ST13: variants seen among roughly 807,000 people sequenced by gnomAD.
ST13 encodes ST13 Hsp70 interacting protein.
A neutral mutation model predicts 56.7 loss-of-function variants in ST13; 23 were observed. The ratio of observed to expected loss-of-function variants is 0.41; its 90% CI spans 0.29 to 0.57. ST13 has a LOEUF of 0.57. Among genes scored for constraint, ST13 ranks in the 20% least tolerant of loss-of-function variants. The pLI is 0.36. For synonymous variants in ST13, 132 were observed against 142.4 expected, an observed-to-expected ratio of 0.93 and a Z score of 0.52; for missense variants, 369 against 459.9, an observed-to-expected ratio of 0.80 and a Z score of 1.81.
At chr22:40,844,250 GATA>G (rs2057819775) in intron 4 of ST13, among the ~76,000 whole-genome samples, 1 of 152,242 alleles carries the variant, frequency 6.6e-6, no homozygotes, top group East Asian at 1.9e-4. Flanking sequence ...GATGAAATCT[GATA>G]ATATCAAGTT....
At chr22:40,835,753 A>C (rs746180406) in intron 6 of ST13, 50 bp downstream of exon 6, 1 of 1,599,618 alleles carries the variant, frequency 6.3e-7, no homozygotes, top group Admixed American at 1.7e-5. Flanking sequence ...ATTTAAACAA[A>C]TGTGCAGAAA....
intron 5 of ST13, among the ~76,000 whole-genome samples, chr22:40,839,486 C>T (rs996033810): frequency 2.1e-4 from 32 of 152,034 alleles, no homozygotes; most frequent in African/African-American, 7.2e-4. Context: ...TACCATGGGC[C>T]GGGCGCAGTG....
intron 10 of ST13, among the ~76,000 whole-genome samples, chr22:40,827,710 G>A (rs768279967): frequency 1.2e-4 from 18 of 151,100 alleles, no homozygotes; most frequent in South Asian, 2.1e-4. Context: ...CAAGTTGGCC[G>A]GGCCGCTCTT....
chr22:40,849,479 C>CAAAAAAA, intron 2 of ST13, among the ~76,000 whole-genome samples: 1 of 55,104 alleles, frequency 1.8e-5, no homozygotes, highest in East Asian at 4.2e-4. Context: ...GACTCTGTCT[C>CAAAAAAA]AAAAAAAAAA....
chr22:40,853,509 C>G (rs968137857), intron 1 of ST13, among the ~76,000 whole-genome samples: 2 of 152,190 alleles, frequency 1.3e-5, no homozygotes, highest in Non-Finnish European at 2.9e-5. Context: ...TGGCCAAAAA[C>G]TGCCACTTAG....
intron 8 of ST13, 141 bp downstream of exon 8, chr22:40,832,428 A>C: frequency 6.2e-6 from 4 of 648,910 alleles, no homozygotes; most frequent in South Asian, 5.5e-5. Flanking sequence ...AGTCGAGCAC[A>C]AACTTCAGCA....
intron 5 of ST13, among the ~76,000 whole-genome samples, chr22:40,836,836 T>C (rs530079329): frequency 9.2e-5 from 14 of 151,960 alleles, no homozygotes; most frequent in African/African-American, 2.9e-4. Flanking sequence ...GCAAGACAAA[T>C]ACAGAATTTT....
At chr22:40,829,424 A>G (rs943941783) in intron 10 of ST13, among the ~76,000 whole-genome samples, 7 of 152,236 alleles carry the variant, frequency 4.6e-5, no homozygotes, top group African/African-American at 1.7e-4. Flanking sequence ...CATTTGAAAG[A>G]AAAATACGCT....
intron 10 of ST13, among the ~76,000 whole-genome samples, chr22:40,828,499 G>A (rs1368754459): frequency 1.3e-5 from 2 of 151,890 alleles, no homozygotes; most frequent in East Asian, 3.9e-4. Context: ...TGTAGTCCCA[G>A]CTACTCGGGA....
chr22:40,850,919 T>C (rs2057858144), intron 1 of ST13, 39 bp from the exon 2 acceptor site: 1 of 1,506,288 alleles, frequency 6.6e-7, no homozygotes, highest in South Asian at 1.2e-5. Flanking sequence ...GTTTAGAAAA[T>C]TAAAATTCAC....
rs763901113 is a variant in ST13 at position 40,826,686 on chromosome 22, T to C, written c.982-20A>G. 2 of 1,608,468 alleles carry C rather than the reference T, an allele frequency of 1.2e-6. No homozygotes were observed. Among genetic ancestry groups the C allele is most frequent in the East Asian group, 4.5e-5 (2 of 44,860 alleles). ...TGGATCCTGAAAAGAAAGGGTTCAT[T>C]AGTATTTAAAAAGTGTCCTACTGGG... On this transcript the variant is annotated intron_variant, in intron 11 of 11. Coordinates refer to ENST00000216218, the MANE Select transcript of ST13 (RefSeq NM_003932.5).
intron 2 of ST13, among the ~76,000 whole-genome samples, chr22:40,849,412 A>G (rs899447870): frequency 6.8e-6 from 1 of 147,822 alleles, no homozygotes; most frequent in Non-Finnish European, 1.5e-5. Context: ...TGGGAGGCAG[A>G]GCTTGCAATG....
At position 40,848,424 on chromosome 22, in the gene ST13, T is replaced by G. The variant is rs2057844203; in HGVS notation, c.169-55A>C. On this transcript the variant is annotated intron_variant, in intron 2 of 11. Transcript: ENST00000216218. ...AGTATTTAATAACATACCGAATATT[T>G]ATACTAATTTCTACAAATCTATGTA... 6.2e-5 allele frequency: 74 copies of G among 1,191,584 alleles called. 1 individual carries two copies. The South Asian group carries it at 8.8e-4, about 14-fold the overall frequency. 73.8% of individuals were successfully genotyped at this position (1,191,584 alleles called of 1,614,324 possible). A position where few individuals can be genotyped will look rare whatever the true frequency, so the allele number is the denominator to read the frequency against.
chr22:40,835,592 A>G lies in ST13; in HGVS notation c.546T>C (p.Ala182=). The G allele has an allele frequency of 1.2e-6, 2 of 1,612,944 alleles. No homozygotes were observed. The highest frequency in any genetic ancestry group is 1.7e-6 in the Non-Finnish European group (2 of 1,179,956). The stretch of plus-strand genomic sequence containing the variant: ...CTTTCCCCCGCCACTTGTAAGGCTG[A>G]GCTGAATCAGGATTTATTTCAATGG... The part of the protein sequence containing the change: ...DRAIEINPDS[A]QPYKWRGKAH... Residue 182 remains alanine (A), a synonymous_variant, in exon 7 of 12, where the codon GCT becomes GCC. Coordinates refer to ENST00000216218, the MANE Select transcript of ST13 (RefSeq NM_003932.5).
intron 1 of ST13, among the ~76,000 whole-genome samples, chr22:40,856,013 TTATTA>T (rs2057891854): frequency 6.6e-6 from 1 of 151,760 alleles, no homozygotes; most frequent in African/African-American, 2.4e-5. Context: ...TAGTGTTATA[TTATTA>T]TAACACGACG....
At chr22:40,830,756 G>A in intron 9 of ST13, 84 bp downstream of exon 9, 3 of 761,010 alleles carry the variant, frequency 3.9e-6, no homozygotes, top group South Asian at 1.9e-5. Context: ...AAATAAAAGA[G>A]CCAGGAATTA....
At chr22:40,854,494 T>C (rs1001381108) in intron 1 of ST13, 5 of 152,236 alleles carry the variant, frequency 3.3e-5, no homozygotes, top group African/African-American at 1.2e-4. Context: ...CTATTTCTTG[T>C]TTTTGTTTGG....
intron 3 of ST13, among the ~76,000 whole-genome samples, chr22:40,847,526 G>C (rs933742603): frequency 6.7e-6 from 1 of 149,322 alleles, no homozygotes; most frequent in African/African-American, 2.5e-5. Context: ...TCCAGCCTGG[G>C]CGACACAGTG....
intron 9 of ST13, among the ~76,000 whole-genome samples, chr22:40,830,529 C>A (rs146692377): frequency 6.6e-6 from 1 of 152,096 alleles, no homozygotes; most frequent in Non-Finnish European, 1.5e-5. Context: ...ATTAATCTGG[C>A]GAAGCATCCT....
Sources: allele counts gnomAD v4.1 joint callset (sites outside exome capture counted in the v4.1 genomes callset), GRCh38; gene constraint gnomAD v4.1.1; transcripts MANE v1.5; gene names NCBI Gene and HGNC (gene_info 2026-07-23, HGNC 2026-07-21).